Variants in MAP2K5 observed in about 807,000 individuals in gnomAD.
The protein encoded by MAP2K5 is mitogen-activated protein kinase kinase 5.
Under a neutral mutation model 83.1 loss-of-function variants are expected in MAP2K5, and 49 were observed. The ratio of observed to expected loss-of-function variants is 0.59; its 90% CI spans 0.47 to 0.75. MAP2K5 has a LOEUF of 0.75. Ranked by LOEUF, MAP2K5 falls within the 30% of genes least tolerant of loss-of-function variation. The pLI is 0.00. For missense variants in MAP2K5, 457 were observed against 557.5 expected (o/e 0.82, Z 1.82); for synonymous variants, 202 against 191.8 (o/e 1.05, Z -0.44).
intron 9 of MAP2K5, among the ~76,000 whole-genome samples, chr15:67,632,151 G>A (rs929108661): frequency 6.7e-6 from 1 of 150,126 alleles, no homozygotes. Context: ...CCAGGCTGGA[G>A]TGCAGTGGCG....
chr15:67,723,052 A>G (rs1343884836), intron 16 of MAP2K5, among the ~76,000 whole-genome samples: 1 of 152,216 alleles, frequency 6.6e-6, no homozygotes, highest in East Asian at 1.9e-4. Flanking sequence ...TATTCTGAGT[A>G]GGAGACTTGA....
intron 11 of MAP2K5, among the ~76,000 whole-genome samples, chr15:67,646,752 A>C (rs948036471): frequency 2.6e-5 from 4 of 152,184 alleles, no homozygotes; most frequent in African/African-American, 9.6e-5. Flanking sequence ...TCTTTTGCAC[A>C]ATCTGTCTTT....
At chr15:67,725,672 C>G (rs1566943632) in intron 16 of MAP2K5, among the ~76,000 whole-genome samples, 1 of 152,206 alleles carries the variant, frequency 6.6e-6, no homozygotes, top group Non-Finnish European at 1.5e-5. Flanking sequence ...AGGTGTGAGA[C>G]TCTCCTCTTG....
At chr15:67,611,927 C>T (rs563019853) in intron 8 of MAP2K5, among the ~76,000 whole-genome samples, 122 of 152,132 alleles carry the variant, frequency 8.0e-4, no homozygotes, top group Non-Finnish European at 1.2e-3. Context: ...CCAATATGAA[C>T]AAACAGCTGT....
rs1184425620 is a variant in MAP2K5 at position 67,708,059 on chromosome 15, T to G, written c.1044+4651T>G. On this transcript the variant is annotated intron_variant, in intron 16 of 21. Coordinates refer to ENST00000178640, the MANE Select transcript of MAP2K5 (RefSeq NM_145160.3). The surrounding 1 kb of genome is among the most constrained non-coding windows in gnomAD (Gnocchi z 4.9). Reference sequence around the variant, plus strand: ...GGCTAGGCCTGGCGGCTCATTCCTGTAATACCAGCACTTTGAGAGGCTGAG... The same window carrying G: ...GGCTAGGCCTGGCGGCTCATTCCTGGAATACCAGCACTTTGAGAGGCTGAG... Among the ~76,000 whole-genome samples the G allele has an allele frequency of 6.6e-6, 1 of 152,190 alleles. No individual in the cohort carries two copies. Among genetic ancestry groups the G allele is most frequent in the African/African-American group, 2.4e-5 (1 of 41,446 alleles).
rs1002511348 is a variant in MAP2K5 at position 67,690,363 on chromosome 15, TGGG to T, written c.848-2112_848-2110del. ...CTTAAGGAATTCATGTTCTGGTTGGTGGGGGGCATGTCAGAGAATACTTAACCT... is the reference window on the plus strand; with the variant it reads ...CTTAAGGAATTCATGTTCTGGTTGGTGGGCATGTCAGAGAATACTTAACCT... On this transcript the variant is annotated intron_variant, in intron 13 of 21. Transcript: ENST00000178640. The surrounding 1 kb of genome is among the most constrained non-coding windows in gnomAD (Gnocchi z 4.3). 9.2e-5 allele frequency among the ~76,000 whole-genome samples: 14 copies of T among 152,182 alleles called. No individual in the cohort carries two copies. In the South Asian group the frequency reaches 1.2e-3, roughly 14 times the overall value.
rs1286445371 is a variant in MAP2K5 at position 67,543,254 on chromosome 15, C to T, written c.-82C>T. 1 of 1,453,452 alleles carries T rather than the reference C, an allele frequency of 6.9e-7. No homozygotes were observed. 90.0% of individuals were successfully genotyped at this position (1,453,452 alleles called of 1,614,324 possible). ...CCCTCTGTCCTCTGCCCGTCACTCC[C>T]CTTGTCACCTCTTGGAGCCCCCTCC... On this transcript the variant is annotated 5_prime_UTR_variant, in exon 1 of 22. Transcript: ENST00000178640. This position sits in a 1 kb window ranked among gnomAD's most constrained non-coding sequence, Gnocchi z 4.3.
chr15:67,806,315 C>T (rs1425899539), intron 21 of MAP2K5, among the ~76,000 whole-genome samples: 2 of 152,214 alleles, frequency 1.3e-5, no homozygotes, highest in Non-Finnish European at 1.5e-5. Flanking sequence ...CGAGTGATGC[C>T]GGGCAGAGGA....
intron 3 of MAP2K5, among the ~76,000 whole-genome samples, chr15:67,575,384 G>T (rs947081452): frequency 6.6e-6 from 1 of 151,984 alleles, no homozygotes; most frequent in Admixed American, 6.6e-5. Context: ...GGGGAGGGCA[G>T]TGGGGGAGTG....
Position 67,561,580 on chromosome 15 carries a change from C to T in MAP2K5, c.185-1703C>T, listed in dbSNP as rs1028373447. On this transcript the variant is annotated intron_variant, in intron 2 of 21. Transcript: ENST00000178640. The surrounding 1 kb of genome is among the most constrained non-coding windows in gnomAD (Gnocchi z 4.2). ...TTAGACAGTGTGATCTTGATGATAC[C>T]GATTCACACTGAGTTGGGGAACTCT... Among the ~76,000 whole-genome samples the T allele has an allele frequency of 1.3e-5, 2 of 152,070 alleles. No individual in the cohort carries two copies. The highest frequency in any genetic ancestry group is 2.4e-5 in the African/African-American group (1 of 41,396).
chr15:67,805,747 G>C (rs2090791845), intron 21 of MAP2K5, among the ~76,000 whole-genome samples: 1 of 152,250 alleles, frequency 6.6e-6, no homozygotes, highest in Non-Finnish European at 1.5e-5. Flanking sequence ...GGGTAGGAGA[G>C]GAAGCCACTT....
chr15:67,732,757 C>T (rs1211215743), intron 17 of MAP2K5, among the ~76,000 whole-genome samples: 1 of 151,936 alleles, frequency 6.6e-6, no homozygotes, highest in Admixed American at 6.6e-5. Context: ...AGACATTTCA[C>T]CTGGAGGCTG....
At chr15:67,725,551 C>A (rs143296202) in intron 16 of MAP2K5, among the ~76,000 whole-genome samples, 1 of 152,258 alleles carries the variant, frequency 6.6e-6, no homozygotes, top group Non-Finnish European at 1.5e-5. Context: ...TTCCATGGTC[C>A]CTGATGACAT....
rs1203588716 is a variant in MAP2K5, at chr15:67,768,050, GTGTTTTTTGTTGTC to G, written c.1135-1538_1135-1525del. ...TGTTTCTTTTCTTGTAGCCTCTTCG[GTGTTTTTTGTTGTC>G]TGTTTTTTGTTGTTTTTGTTTGTTT... On this transcript the variant is annotated intron_variant, in intron 19 of 21. Coordinates refer to ENST00000178640, the MANE Select transcript of MAP2K5 (RefSeq NM_145160.3). The surrounding 1 kb of genome is among the most constrained non-coding windows in gnomAD (Gnocchi z 4.0). Among the ~76,000 whole-genome samples, 1 of 152,032 alleles carries G rather than the reference GTGTTTTTTGTTGTC, an allele frequency of 6.6e-6. No individual in the cohort carries two copies. Among genetic ancestry groups the G allele is most frequent in the South Asian group, 2.1e-4 (1 of 4,812 alleles).
At chr15:67,621,037 AT>A (rs1317469547) in intron 8 of MAP2K5, among the ~76,000 whole-genome samples, 1 of 123,598 alleles carries the variant, frequency 8.1e-6, no homozygotes, top group Non-Finnish European at 1.8e-5. Flanking sequence ...GTTATGTGCT[AT>A]TTTAGACTGT....
intron 7 of MAP2K5, among the ~76,000 whole-genome samples, chr15:67,598,556 T>C (rs2085580368): frequency 6.6e-6 from 1 of 152,212 alleles, no homozygotes; most frequent in Non-Finnish European, 1.5e-5. Context: ...CCTGACAGTG[T>C]TGGATGCTTA....
intron 4 of MAP2K5, among the ~76,000 whole-genome samples, chr15:67,584,920 T>C (rs762195638): frequency 6.6e-6 from 1 of 151,612 alleles, no homozygotes; most frequent in Non-Finnish European, 1.5e-5. Flanking sequence ...TTGGTCTTGA[T>C]CTCTTGACCT....
At position 67,605,270 on chromosome 15, in the gene MAP2K5, G is replaced by A. The variant is rs148451378; in HGVS notation, c.545+4521G>A. ...GGGTTTCACCATGTTGGCCAGGATGGTCTGGATCTCCTGACGTCATGATCC... is the reference window on the plus strand; with the variant it reads ...GGGTTTCACCATGTTGGCCAGGATGATCTGGATCTCCTGACGTCATGATCC... On this transcript the variant is annotated intron_variant, in intron 8 of 21. Coordinates refer to ENST00000178640, the MANE Select transcript of MAP2K5 (RefSeq NM_145160.3). Among the ~76,000 whole-genome samples, 70 of 151,916 alleles carry A rather than the reference G, an allele frequency of 4.6e-4. No homozygotes were observed. In the East Asian group the frequency reaches 0.013, roughly 27 times the overall value.
Position 67,807,003 on chromosome 15 carries a change from A to G in MAP2K5, c.*253A>G. The G allele has an allele frequency of 6.9e-7, 1 of 1,452,380 alleles. No individual in the cohort carries two copies. The highest frequency in any genetic ancestry group is 2.6e-5 in the East Asian group (1 of 38,400). The allele number at this position is 1,452,380 out of a possible 1,614,324, so 90.0% of individuals were successfully genotyped here. A position where few individuals can be genotyped will look rare whatever the true frequency, so the allele number is the denominator to read the frequency against. The stretch of plus-strand genomic sequence containing the variant: ...AGAGGTAAAGGGTGGGGCATTGAGA[A>G]TGGAGGCTCCCAGGGTCCCTGCCCA... On this transcript the variant is annotated 3_prime_UTR_variant, in exon 22 of 22. Transcript: ENST00000178640. The surrounding 1 kb of genome is among the most constrained non-coding windows in gnomAD (Gnocchi z 5.1).
Sources: allele counts gnomAD v4.1 joint callset (sites outside exome capture counted in the v4.1 genomes callset), GRCh38; gene constraint gnomAD v4.1.1; non-coding constraint Gnocchi (gnomAD v3.1); transcripts MANE v1.5; gene names NCBI Gene and HGNC (gene_info 2026-07-23, HGNC 2026-07-21).